Variants in SORCS1 observed in about 807,000 individuals in gnomAD.
The protein encoded by SORCS1 is sortilin related VPS10 domain containing receptor 1.
A neutral mutation model predicts 146.1 loss-of-function variants in SORCS1; 60 were observed. The observed-to-expected ratio is 0.41, with a 90% CI of 0.33 to 0.51. The LOEUF is 0.51. SORCS1 is among the 20% of genes least tolerant of loss of function. SORCS1 has a pLI of 0.21. For synonymous variants in SORCS1, 637 were observed against 584.0 expected (o/e 1.09, Z -1.31); for missense variants, 1,352 against 1,487.6 (o/e 0.91, Z 1.50).
chr10:107,013,856 G>A (rs1957780578), intron 1 of SORCS1, among the ~76,000 whole-genome samples: 1 of 152,272 alleles, frequency 6.6e-6, no homozygotes, highest in East Asian at 1.9e-4. Context: ...CTGTAAAAAT[G>A]AGTCACCCAA....
intron 1 of SORCS1, among the ~76,000 whole-genome samples, chr10:107,048,005 C>A (rs1353211260): frequency 6.6e-6 from 1 of 152,062 alleles, no homozygotes; most frequent in African/African-American, 2.4e-5. Context: ...ATCACCTGAG[C>A]CCGCGAAGTC....
chr10:107,098,934 CA>C (rs1326376121), intron 1 of SORCS1, among the ~76,000 whole-genome samples: 2 of 152,132 alleles, frequency 1.3e-5, no homozygotes, highest in Non-Finnish European at 2.9e-5. Flanking sequence ...CTTTGGACCC[CA>C]AATTTCATTT....
At chr10:107,039,189 G>A (rs1041778133) in intron 1 of SORCS1, among the ~76,000 whole-genome samples, 30 of 151,704 alleles carry the variant, frequency 2.0e-4, no homozygotes, top group African/African-American at 4.3e-4. Flanking sequence ...ATAGCCGGGC[G>A]TAGTGGCGGG....
chr10:107,158,949 T>C (rs1475487221), intron 1 of SORCS1, among the ~76,000 whole-genome samples: 1 of 147,454 alleles, frequency 6.8e-6, no homozygotes, highest in Admixed American at 7.0e-5. Flanking sequence ...CAATGTTCTC[T>C]AGAAAATCTC....
At chr10:107,069,616 T>C (rs1475141493) in intron 1 of SORCS1, among the ~76,000 whole-genome samples, 1 of 152,170 alleles carries the variant, frequency 6.6e-6, no homozygotes, top group East Asian at 1.9e-4. Flanking sequence ...CCTCAGGTGA[T>C]CCACCCACCT....
chr10:106,879,147 C>CAAAAA, intron 2 of SORCS1, among the ~76,000 whole-genome samples: 1 of 135,966 alleles, frequency 7.4e-6, no homozygotes, highest in Admixed American at 7.5e-5. Flanking sequence ...GAGACTCCAT[C>CAAAAA]AAAAAAAAAA....
intron 2 of SORCS1, among the ~76,000 whole-genome samples, chr10:106,851,178 C>T (rs1479416147): frequency 1.3e-5 from 2 of 152,134 alleles, no homozygotes; most frequent in African/African-American, 4.8e-5. Context: ...TTGGTATTAT[C>T]ATTCTCAGAG....
chr10:106,925,805 G>T (rs1409021392), intron 2 of SORCS1, among the ~76,000 whole-genome samples: 1 of 152,172 alleles, frequency 6.6e-6, no homozygotes, highest in Non-Finnish European at 1.5e-5. Flanking sequence ...TAACACTAGA[G>T]CCCAACGGAG....
chr10:106,887,745 G>A (rs946597536), intron 2 of SORCS1, among the ~76,000 whole-genome samples: 1 of 152,058 alleles, frequency 6.6e-6, no homozygotes, highest in African/African-American at 2.4e-5. Flanking sequence ...TAGTATTGAA[G>A]ACTTTGGAAA....
intron 2 of SORCS1, among the ~76,000 whole-genome samples, chr10:106,951,188 G>C (rs1379092279): frequency 6.6e-6 from 1 of 152,014 alleles, no homozygotes; most frequent in Admixed American, 6.6e-5. Flanking sequence ...CTCTCACCTT[G>C]ACTGTCCACA....
chr10:106,947,232 A>G (rs1377153537), intron 2 of SORCS1, among the ~76,000 whole-genome samples: 1 of 152,234 alleles, frequency 6.6e-6, no homozygotes, highest in East Asian at 1.9e-4. Context: ...CCTTCTTGGA[A>G]TGTAATCTCG....
chr10:107,060,077 C>A lies in SORCS1; in HGVS notation c.559-103497G>T, dbSNP rs1221573749. Among the ~76,000 whole-genome samples, 1 of 152,034 alleles carries A rather than the reference C, an allele frequency of 6.6e-6. No individual in the cohort carries two copies. The highest frequency in any genetic ancestry group is 1.5e-5 in the Non-Finnish European group (1 of 68,006). On this transcript the variant is annotated intron_variant, in intron 1 of 25. Transcript: ENST00000263054. The surrounding 1 kb of genome is among the most constrained non-coding windows in gnomAD (Gnocchi z 4.1). ...TACACAGAATCCTTATCATTGATAG[C>A]ACATAGCTGTACTCTAGCTGACAAA...
intron 1 of SORCS1, among the ~76,000 whole-genome samples, chr10:107,051,820 G>C (rs1960154457): frequency 6.6e-6 from 1 of 152,128 alleles, no homozygotes; most frequent in Admixed American, 6.5e-5. Flanking sequence ...TTCATGAAAG[G>C]GCTGGTACTT....
chr10:106,878,620 G>GTGTGTATATATATATA (rs904386657), intron 2 of SORCS1, among the ~76,000 whole-genome samples: 5 of 84,950 alleles, frequency 5.9e-5, no homozygotes, highest in African/African-American at 1.8e-4. Context: ...AAACTACCTA[G>GTGTGTATATATATATA]TATATATATA....
intron 1 of SORCS1, among the ~76,000 whole-genome samples, chr10:106,964,918 C>T (rs1355202393): frequency 6.6e-6 from 1 of 150,570 alleles, no homozygotes; most frequent in Non-Finnish European, 1.5e-5. Context: ...CTGGCCAAGA[C>T]CAGATTTTGA....
At chr10:107,056,612 C>A (rs1960663437) in intron 1 of SORCS1, among the ~76,000 whole-genome samples, 1 of 152,204 alleles carries the variant, frequency 6.6e-6, no homozygotes, top group African/African-American at 2.4e-5. Flanking sequence ...ATAGCTAATT[C>A]AAACACTTAT....
chr10:106,813,743 T>C (rs1947595471), intron 3 of SORCS1, among the ~76,000 whole-genome samples: 1 of 152,160 alleles, frequency 6.6e-6, no homozygotes, highest in Non-Finnish European at 1.5e-5. Context: ...GAGACTAGCC[T>C]GGGCAACATA....
chr10:106,642,377 C>T (rs1849129685), intron 18 of SORCS1, among the ~76,000 whole-genome samples: 1 of 152,164 alleles, frequency 6.6e-6, no homozygotes, highest in African/African-American at 2.4e-5. Context: ...TTCTTTGGTA[C>T]CTAGAGGACT....
rs60801871 is a variant in SORCS1 at position 106,726,359 on chromosome 10, C to CAA, written c.1024+3689_1024+3690dup. Reference sequence around the variant, plus strand: ...ATAGTTTCTGAAGATGCTGCCTTCGCAAAAAAAAAAAAAAAAAAAAAAAAA... The same window carrying CAA: ...ATAGTTTCTGAAGATGCTGCCTTCGCAAAAAAAAAAAAAAAAAAAAAAAAAAA... On this transcript the variant is annotated intron_variant, in intron 6 of 25. Coordinates refer to ENST00000263054, the MANE Select transcript of SORCS1 (RefSeq NM_052918.5). Among the ~76,000 whole-genome samples, 46 of 43,600 alleles carry CAA rather than the reference C, an allele frequency of 1.1e-3. 1 individual carries two copies. Among genetic ancestry groups the CAA allele is most frequent in the African/African-American group, 2.8e-3 (29 of 10,468 alleles). The allele number at this position is 43,600 out of a possible 152,430, so 28.6% of individuals were successfully genotyped here.
Sources: allele counts gnomAD v4.1 joint callset (sites outside exome capture counted in the v4.1 genomes callset), GRCh38; gene constraint gnomAD v4.1.1; non-coding constraint Gnocchi (gnomAD v3.1); transcripts MANE v1.5; gene names NCBI Gene and HGNC (gene_info 2026-07-23, HGNC 2026-07-21).